The following PCDHGA10 variants were observed in gnomAD, a reference collection of about 807,000 sequenced individuals.
The protein encoded by PCDHGA10 is protocadherin gamma subfamily A, 10, also known as protocadherin gamma-A10.
Under a neutral mutation model 59.5 loss-of-function variants are expected in PCDHGA10, and 42 were observed. That is an observed-to-expected ratio of 0.71 (90% CI 0.55 to 0.91). PCDHGA10 has a LOEUF of 0.91. PCDHGA10 is among the 40% of genes least tolerant of loss of function. PCDHGA10 has a pLI of 0.00. For missense variants in PCDHGA10, 1,111 were observed against 1,198.2 expected (o/e 0.93, Z 1.07); for synonymous variants, 511 against 517.2 (o/e 0.99, Z 0.16).
At chr5:141,506,969 A>G (rs923725359) in intron 3 of PCDHGA10, 7 of 152,208 alleles carry the variant, frequency 4.6e-5, no homozygotes, top group Non-Finnish European at 8.8e-5. Flanking sequence ...ATAGCTCTGC[A>G]AGGCAGGTCT....
rs182936964 is a variant in PCDHGA10, at chr5:141,502,069, T to C, written c.2496-3324T>C. 1.1e-3 allele frequency among the ~76,000 whole-genome samples: 175 copies of C among 152,186 alleles called. 1 individual carries two copies. Among genetic ancestry groups the C allele is most frequent in the African/African-American group, 3.9e-3 (162 of 41,524 alleles). ...CCCTACTTTATTCCCATTAGCCCCC[T>C]TCACCTGGGGCTGAGAACACCTGGC... On this transcript the variant is annotated intron_variant, in intron 2 of 3. Coordinates refer to ENST00000398610, the MANE Select transcript of PCDHGA10 (RefSeq NM_018913.3).
In PCDHGA10 at chr5:141,476,132, T is replaced by C. The variant is rs751708569; in HGVS notation, c.2437-18675T>C. 2 of 1,607,820 alleles carry C rather than the reference T, an allele frequency of 1.2e-6. No homozygotes were observed. The highest frequency in any genetic ancestry group is 1.1e-5 in the South Asian group (1 of 90,582). On this transcript the variant is annotated intron_variant, in intron 1 of 3. Coordinates refer to ENST00000398610, the MANE Select transcript of PCDHGA10 (RefSeq NM_018913.3). The surrounding 1 kb of genome is among the most constrained non-coding windows in gnomAD (Gnocchi z 7.6). ...TTTGAGTGAGATGGTCCCAGAGGCC[T>C]GGAGGAGCGGACTGGTAAGCACCGG...
At chr5:141,502,768 T>C (rs1389860952) in intron 2 of PCDHGA10, among the ~76,000 whole-genome samples, 1 of 152,154 alleles carries the variant, frequency 6.6e-6, no homozygotes, top group East Asian at 1.9e-4. Context: ...GCTGGTATTC[T>C]TCTGAAAATT....
chr5:141,416,120 A>C (rs2095996372), intron 1 of PCDHGA10: 1 of 155,288 alleles, frequency 6.4e-6, no homozygotes, highest in African/African-American at 2.4e-5. Context: ...ACTACATTTT[A>C]TATATTTTTC....
chr5:141,457,279 G>A (rs948609305), intron 1 of PCDHGA10, among the ~76,000 whole-genome samples: 2 of 152,190 alleles, frequency 1.3e-5, no homozygotes, highest in African/African-American at 4.8e-5. Flanking sequence ...GTGGGCCTAC[G>A]AAGTTCCTTG....
At position 141,431,968 on chromosome 5, in the gene PCDHGA10, T is replaced by A. The variant is rs571981127; in HGVS notation, c.2436+16357T>A. On this transcript the variant is annotated intron_variant, in intron 1 of 3. Coordinates refer to ENST00000398610, the MANE Select transcript of PCDHGA10 (RefSeq NM_018913.3). The surrounding 1 kb of genome is among the most constrained non-coding windows in gnomAD (Gnocchi z 4.8). Reference sequence around the variant, plus strand: ...AAAAATCTTACGGAAATTACTATAGTTTAGTCACAGACATAGTCTTGGATA... The same window carrying A: ...AAAAATCTTACGGAAATTACTATAGATTAGTCACAGACATAGTCTTGGATA... 1.9e-6 allele frequency: 3 copies of A among 1,614,072 alleles called. No individual in the cohort carries two copies. Among genetic ancestry groups the A allele is most frequent in the Non-Finnish European group, 2.5e-6 (3 of 1,180,014 alleles).
intron 1 of PCDHGA10, chr5:141,426,560 G>A (rs1358683534): frequency 5.7e-6 from 2 of 352,756 alleles, no homozygotes; most frequent in South Asian, 2.1e-5. Flanking sequence ...AGAATAGATC[G>A]AGAGTCACTG....
chr5:141,435,027 AC>A (rs1485237615), intron 1 of PCDHGA10, among the ~76,000 whole-genome samples: 1 of 151,978 alleles, frequency 6.6e-6, no homozygotes, highest in Non-Finnish European at 1.5e-5. Flanking sequence ...CTCTTTTCCC[AC>A]TTTTATTTTT....
In PCDHGA10 at chr5:141,486,866, G is replaced by A; in HGVS notation, c.2437-7941G>A. Reference sequence around the variant, plus strand: ...GGACCTCAATGACAATGCTCCAGCTGTGCTCCGTCCTCGGGCCCGGCCTGG... The same window carrying A: ...GGACCTCAATGACAATGCTCCAGCTATGCTCCGTCCTCGGGCCCGGCCTGG... On this transcript the variant is annotated intron_variant, in intron 1 of 3. Transcript: ENST00000398610. The surrounding 1 kb of genome is among the most constrained non-coding windows in gnomAD (Gnocchi z 5.0). 6.2e-7 allele frequency: 1 copy of A among 1,614,202 alleles called. No homozygotes were observed. The highest frequency in any genetic ancestry group is 8.5e-7 in the Non-Finnish European group (1 of 1,180,038).
At chr5:141,506,669 A>C (rs1293213848) in intron 3 of PCDHGA10, among the ~76,000 whole-genome samples, 1 of 152,198 alleles carries the variant, frequency 6.6e-6, no homozygotes, top group African/African-American at 2.4e-5. Flanking sequence ...GTAAGGGCAC[A>C]ATATATTATT....
At chr5:141,509,968 C>A (rs1450809995) in intron 3 of PCDHGA10, among the ~76,000 whole-genome samples, 1 of 152,166 alleles carries the variant, frequency 6.6e-6, no homozygotes, top group Non-Finnish European at 1.5e-5. Context: ...TGGCCTTGGT[C>A]CTTCTAACAC....
intron 1 of PCDHGA10, among the ~76,000 whole-genome samples, chr5:141,438,598 AT>A (rs1433028092): frequency 6.7e-5 from 2 of 29,776 alleles, no homozygotes; most frequent in Non-Finnish European, 1.4e-4. Context: ...ATACATATAT[AT>A]ATATATATAT....
chr5:141,431,527 C>T lies in PCDHGA10; in HGVS notation c.2436+15916C>T. The T allele has an allele frequency of 1.2e-6, 2 of 1,614,086 alleles. No homozygotes were observed. The highest frequency in any genetic ancestry group is 2.2e-5 in the East Asian group (1 of 44,888). ...GCGCGAGCGTTCCGGAGAATCTGGC[C>T]TTGGGCACGCAGCTGCTTGTAGTCA... On this transcript the variant is annotated intron_variant, in intron 1 of 3. Coordinates refer to ENST00000398610, the MANE Select transcript of PCDHGA10 (RefSeq NM_018913.3). This position sits in a 1 kb window ranked among gnomAD's most constrained non-coding sequence, Gnocchi z 4.8.
At chr5:141,506,241 G>C (rs2237081) in intron 3 of PCDHGA10, among the ~76,000 whole-genome samples, 78,081 of 151,504 alleles carry the variant, frequency 0.52, 20,775 homozygotes, top group African/African-American at 0.63. Context: ...ATGAGGTCAG[G>C]AGTTCGAAAC....
chr5:141,457,959 T>C (rs1426112930), intron 1 of PCDHGA10, among the ~76,000 whole-genome samples: 3 of 152,208 alleles, frequency 2.0e-5, no homozygotes, highest in Admixed American at 2.0e-4. Flanking sequence ...CAAGCTTGAT[T>C]CCTTAAAGGG....
At chr5:141,427,965 C>G in intron 1 of PCDHGA10, 1 of 1,590,342 alleles carries the variant, frequency 6.3e-7, no homozygotes, top group Non-Finnish European at 8.6e-7. Flanking sequence ...GCCGCGGGTG[C>G]TGTACCCCGC....
chr5:141,417,701 C>T (rs1382264857), intron 1 of PCDHGA10: 1 of 1,192,516 alleles, frequency 8.4e-7, no homozygotes, highest in Admixed American at 3.0e-5. Flanking sequence ...CCAGCTCCCA[C>T]ACAGAGGCTC....
In PCDHGA10 at chr5:141,485,354, G is replaced by C; in HGVS notation, c.2437-9453G>C. 7 of 1,614,176 alleles carry C rather than the reference G, an allele frequency of 4.3e-6. No homozygotes were observed. Among genetic ancestry groups the C allele is most frequent in the Non-Finnish European group, 5.1e-6 (6 of 1,180,024 alleles). Reference sequence around the variant, plus strand: ...CCTGCTGGATACGGACAGTCTGTCAGCTCGCAGGCTGCAGGTCGCTGGAGA... The same window carrying C: ...CCTGCTGGATACGGACAGTCTGTCACCTCGCAGGCTGCAGGTCGCTGGAGA... On this transcript the variant is annotated intron_variant, in intron 1 of 3. Transcript: ENST00000398610. This position sits in a 1 kb window ranked among gnomAD's most constrained non-coding sequence, Gnocchi z 5.7.
chr5:141,468,282 G>A (rs1368214716), intron 1 of PCDHGA10, among the ~76,000 whole-genome samples: 1 of 140,012 alleles, frequency 7.1e-6, no homozygotes, highest in African/African-American at 2.7e-5. Context: ...CCGAGACCAC[G>A]CCATTGCACC....
Sources: gnomAD v4.1 joint callset for allele counts (sites outside exome capture counted in the v4.1 genomes callset) on GRCh38, gnomAD v4.1.1 for gene constraint, Gnocchi (gnomAD v3.1) non-coding constraint, MANE v1.5 for transcripts, NCBI Gene and HGNC (gene_info 2026-07-23, HGNC 2026-07-21) for gene names.